Variants in ADAMTS17 observed in about 807,000 individuals in gnomAD.
The protein encoded by ADAMTS17 is ADAM metallopeptidase with thrombospondin type 1 motif 17.
In ADAMTS17, 113 loss-of-function variants were observed where a neutral mutation model predicts 141.5. The ratio of observed to expected loss-of-function variants is 0.80; its 90% CI spans 0.69 to 0.93. The LOEUF is 0.93. Ranked by LOEUF, ADAMTS17 falls within the 40% of genes least tolerant of loss-of-function variation. The pLI is 0.00. For missense variants in ADAMTS17, 1,659 were observed against 1,517.9 expected (o/e 1.09, Z -1.54); for synonymous variants, 768 against 630.6 (o/e 1.22, Z -3.27).
intron 10 of ADAMTS17, among the ~76,000 whole-genome samples, chr15:100,144,330 T>C (rs1161628453): frequency 6.6e-6 from 1 of 152,110 alleles, no homozygotes; most frequent in Admixed American, 6.5e-5. Context: ...GGCGGGTGGA[T>C]CACCTGAGGT....
At position 100,311,945 on chromosome 15, in the gene ADAMTS17, T is replaced by C. The variant is rs1275605152; in HGVS notation, c.616+18944A>G. 2.6e-5 allele frequency among the ~76,000 whole-genome samples: 4 copies of C among 152,270 alleles called. No homozygotes were observed. In the East Asian group the frequency reaches 7.7e-4, roughly 29 times the overall value. On this transcript the variant is annotated intron_variant, in intron 3 of 21. Transcript: ENST00000268070. ...GATCAAGAATGCATGGTTTATTATT[T>C]AAAGTGCATGCTGGCTGGGGCTGTC...
chr15:100,269,488 G>A (rs1452524539), intron 4 of ADAMTS17, among the ~76,000 whole-genome samples: 1 of 152,160 alleles, frequency 6.6e-6, no homozygotes, highest in Non-Finnish European at 1.5e-5. Flanking sequence ...AGCATCTATT[G>A]CTGTATTCAT....
Position 100,036,197 on chromosome 15 carries a change from A to G in ADAMTS17, c.2591+12660T>C, listed in dbSNP as rs180824433. Reference sequence around the variant, plus strand: ...ACTTGCAGGAAAGCCCCTCCAGGGGAAAGGCAAGGAGGGTGCAGAGAGGCA... The same window carrying G: ...ACTTGCAGGAAAGCCCCTCCAGGGGGAAGGCAAGGAGGGTGCAGAGAGGCA... On this transcript the variant is annotated intron_variant, in intron 18 of 21. Coordinates refer to ENST00000268070, the MANE Select transcript of ADAMTS17 (RefSeq NM_139057.4). 2.1e-3 allele frequency among the ~76,000 whole-genome samples: 323 copies of G among 152,312 alleles called. 1 individual carries two copies. Among genetic ancestry groups the G allele is most frequent in the African/African-American group, 7.4e-3 (306 of 41,576 alleles).
chr15:100,110,575 A>G (rs34212103), intron 13 of ADAMTS17, among the ~76,000 whole-genome samples: 39,683 of 152,034 alleles, frequency 0.26, 5,620 homozygotes, highest in East Asian at 0.37. Context: ...GACTCAGTAT[A>G]TATTTTTGAA....
chr15:99,992,943 C>G (rs1341125702), intron 20 of ADAMTS17, 105 bp downstream of exon 20: 29 of 1,451,288 alleles, frequency 2.0e-5, no homozygotes, highest in Non-Finnish European at 2.3e-5. Flanking sequence ...CCTAGTTACG[C>G]TGGGACTGCC....
At chr15:100,290,426 T>C (rs1021918671) in intron 3 of ADAMTS17, among the ~76,000 whole-genome samples, 2 of 152,202 alleles carry the variant, frequency 1.3e-5, no homozygotes, top group African/African-American at 4.8e-5. Context: ...AAAATAGCCA[T>C]AGTGTCCAAA....
At position 99,993,664 on chromosome 15, in the gene ADAMTS17, G is replaced by C. The variant is rs1173482343; in HGVS notation, c.2797-464C>G. 6.6e-6 allele frequency among the ~76,000 whole-genome samples: 1 copy of C among 152,202 alleles called. No individual in the cohort carries two copies. Among genetic ancestry groups the C allele is most frequent in the Non-Finnish European group, 1.5e-5 (1 of 68,032 alleles). ...GCACATGCTGTGCTTGGACCAGCCT[G>C]GGACAAACTCCTCGATCCAGCCGGG... is the stretch of plus-strand genomic sequence containing the variant. On this transcript the variant is annotated intron_variant, in intron 19 of 21. Coordinates refer to ENST00000268070, the MANE Select transcript of ADAMTS17 (RefSeq NM_139057.4). This position sits in a 1 kb window ranked among gnomAD's most constrained non-coding sequence, Gnocchi z 4.3.
At chr15:100,316,576 G>A (rs922383917) in intron 3 of ADAMTS17, among the ~76,000 whole-genome samples, 2 of 151,946 alleles carry the variant, frequency 1.3e-5, no homozygotes, top group African/African-American at 4.8e-5. Flanking sequence ...CTGCTTCCTG[G>A]AACCCCCTCC....
intron 5 of ADAMTS17, 80 bp downstream of exon 5, chr15:100,262,272 G>T: frequency 7.6e-7 from 1 of 1,317,952 alleles, no homozygotes; most frequent in Non-Finnish European, 1.1e-6. Flanking sequence ...CTGGAGCCCC[G>T]CTTAGCATTC....
chr15:100,079,787 T>G (rs2034613840), intron 15 of ADAMTS17, among the ~76,000 whole-genome samples: 1 of 152,180 alleles, frequency 6.6e-6, no homozygotes, highest in Admixed American at 6.5e-5. Context: ...TCGGAATGCC[T>G]TATCCACCAT....
At chr15:100,006,387 C>G (rs1315644092) in intron 18 of ADAMTS17, among the ~76,000 whole-genome samples, 1 of 152,206 alleles carries the variant, frequency 6.6e-6, no homozygotes, top group Non-Finnish European at 1.5e-5. Context: ...CTATTTACAT[C>G]TTGATTTGGC....
intron 15 of ADAMTS17, among the ~76,000 whole-genome samples, chr15:100,068,672 C>A (rs1270944302): frequency 2.6e-5 from 4 of 152,224 alleles, no homozygotes; most frequent in Non-Finnish European, 2.9e-5. Context: ...CAAAATCCAA[C>A]AGACCTGTAG....
At chr15:100,338,148 C>G (rs1449373780) in intron 2 of ADAMTS17, among the ~76,000 whole-genome samples, 1 of 152,178 alleles carries the variant, frequency 6.6e-6, no homozygotes, top group Non-Finnish European at 1.5e-5. Flanking sequence ...GCTGGCCCAG[C>G]TTTTCAGGAT....
Position 100,199,302 on chromosome 15 carries a change from A to G in ADAMTS17, c.1181+16T>C, listed in dbSNP as rs766831168. 3.9e-5 allele frequency: 62 copies of G among 1,608,390 alleles called. No individual in the cohort carries two copies. The highest frequency in any genetic ancestry group is 5.1e-5 in the Non-Finnish European group (60 of 1,174,786). On this transcript the variant is annotated intron_variant, in intron 8 of 21. Coordinates refer to ENST00000268070, the MANE Select transcript of ADAMTS17 (RefSeq NM_139057.4). ...GGACTGAAAGAAAACAGGACGACAC[A>G]GAGTCTGATACTTACTTGTGGCCCA...
chr15:100,269,686 G>A (rs533029046), intron 4 of ADAMTS17, among the ~76,000 whole-genome samples: 4 of 152,230 alleles, frequency 2.6e-5, no homozygotes, highest in South Asian at 4.2e-4. Context: ...AGATGTTCTT[G>A]GGACAGAGAA....
chr15:100,152,468 G>A (rs545707297), intron 10 of ADAMTS17, 144 bp downstream of exon 10: 2 of 1,053,522 alleles, frequency 1.9e-6, no homozygotes, highest in East Asian at 2.5e-5. Flanking sequence ...AAACGTGTGT[G>A]TGCATATACA....
intron 4 of ADAMTS17, among the ~76,000 whole-genome samples, chr15:100,277,205 G>A (rs1057382724): frequency 5.9e-5 from 9 of 152,050 alleles, no homozygotes; most frequent in South Asian, 2.1e-4. Flanking sequence ...CAAACTTCAC[G>A]TGTTAGCCCC....
intron 2 of ADAMTS17, among the ~76,000 whole-genome samples, chr15:100,333,031 G>C (rs2046102841): frequency 6.6e-6 from 1 of 152,134 alleles, no homozygotes; most frequent in African/African-American, 2.4e-5. Context: ...CATGCCACCA[G>C]TGGTCAAACG....
Position 100,116,992 on chromosome 15 carries a change from G to A in ADAMTS17, c.1743C>T (p.His581=). 6.2e-7 allele frequency: 1 copy of A among 1,612,978 alleles called. No homozygotes were observed. Among genetic ancestry groups the A allele is most frequent in the African/African-American group, 1.3e-5 (1 of 75,034 alleles). ...DNPPPGPGGT[H]CPGASVEHAV... is the part of the protein sequence containing the mutation. ...CATGTTCTACACTGGCACCCGGGCAGTGTGTGCCTCCAGGCCCAGGGCTAG... is the reference window on the plus strand; with the variant it reads ...CATGTTCTACACTGGCACCCGGGCAATGTGTGCCTCCAGGCCCAGGGCTAG... Residue 581 remains histidine, a synonymous_variant, in exon 13 of 22, where the codon CAC becomes CAT. Transcript: ENST00000268070.
Sources: gnomAD v4.1 joint callset for allele counts (sites outside exome capture counted in the v4.1 genomes callset) on GRCh38, gnomAD v4.1.1 for gene constraint, Gnocchi (gnomAD v3.1) non-coding constraint, MANE v1.5 for transcripts, NCBI Gene and HGNC (gene_info 2026-07-23, HGNC 2026-07-21) for gene names.